FTCDNL1: variants seen among roughly 807,000 people sequenced by gnomAD.
The protein encoded by FTCDNL1 is formiminotransferase cyclodeaminase N-terminal like.
Under a neutral mutation model 5.9 loss-of-function variants are expected in FTCDNL1, and 11 were observed. The observed-to-expected ratio is 1.87, with a 90% CI of 1.18 to 3.10. The LOEUF (loss-of-function observed/expected upper bound fraction) is 3.10. FTCDNL1 is among the 30% of genes most tolerant of loss of function. The pLI, the probability that FTCDNL1 is intolerant of heterozygous loss-of-function variation, is 0.00. For missense variants in FTCDNL1, 115 were observed against 65.5 expected, an observed-to-expected ratio of 1.76 and a Z score of -2.61; for synonymous variants, 58 against 24.8, an observed-to-expected ratio of 2.34 and a Z score of -3.99.
chr2:199,816,519 T>C (rs1701359057), intron 4 of FTCDNL1, among the ~76,000 whole-genome samples: 1 of 152,216 alleles, frequency 6.6e-6, no homozygotes, highest in South Asian at 2.1e-4. Flanking sequence ...TGAAAATATG[T>C]TGGAAGCTTT....
At chr2:199,835,207 C>T (rs1702645071) in intron 3 of FTCDNL1, among the ~76,000 whole-genome samples, 1 of 152,068 alleles carries the variant, frequency 6.6e-6, no homozygotes, top group Admixed American at 6.6e-5. Context: ...AACATGAACA[C>T]TGTTACTTCT....
intron 3 of FTCDNL1, among the ~76,000 whole-genome samples, chr2:199,831,014 C>T (rs1702337817): frequency 2.0e-5 from 3 of 152,260 alleles, no homozygotes; most frequent in South Asian, 2.1e-4. Context: ...AGAAACAAAA[C>T]TCTACTGCAC....
At chr2:199,729,328 C>T in the FTCDNL1 span, among the ~76,000 whole-genome samples, 162 of 152,292 alleles carry the variant, frequency 1.1e-3, 1 homozygote, top group Non-Finnish European at 3.2e-4. Flanking sequence ...TCCTATCCAA[C>T]ACAGTATTGG....
chr2:199,836,376 TGC>T (rs1370374003), intron 3 of FTCDNL1, among the ~76,000 whole-genome samples: 3 of 152,136 alleles, frequency 2.0e-5, no homozygotes, highest in Non-Finnish European at 2.9e-5. Flanking sequence ...CTCCCTATGT[TGC>T]CCAGGCTGGT....
At chr2:199,674,048 T>C in the FTCDNL1 span, among the ~76,000 whole-genome samples, 33 of 152,292 alleles carry the variant, frequency 2.2e-4, no homozygotes, top group East Asian at 6.2e-3. Context: ...ACATTTTATA[T>C]GGTGAAAGAT....
rs1429167396 is a variant in FTCDNL1 at position 199,810,618 on chromosome 2, C to T, written c.*2087G>A. On this transcript the variant is annotated 3_prime_UTR_variant, in exon 5 of 5. Transcript: ENST00000420128. ...TCCCTGTCTCAGGGATGGTGCGGCT[C>T]ACATTACATAAATAGCGTGGCTCTA... Among the ~76,000 whole-genome samples, 1 of 152,198 alleles carries T rather than the reference C, an allele frequency of 6.6e-6. No homozygotes were observed. The highest frequency in any genetic ancestry group is 1.5e-5 in the Non-Finnish European group (1 of 68,036).
chr2:199,664,970 A>G, the FTCDNL1 span, among the ~76,000 whole-genome samples: 2 of 152,262 alleles, frequency 1.3e-5, no homozygotes, highest in Non-Finnish European at 2.9e-5. Context: ...TACTATGCCC[A>G]TAAAGGGAAG....
chr2:199,686,668 ACT>A, the FTCDNL1 span, among the ~76,000 whole-genome samples: 1 of 152,186 alleles, frequency 6.6e-6, no homozygotes, highest in African/African-American at 2.4e-5. Context: ...AATAAAACTA[ACT>A]CTAAGCTGAA....
At chr2:199,720,607 T>A in the FTCDNL1 span, among the ~76,000 whole-genome samples, 1 of 152,200 alleles carries the variant, frequency 6.6e-6, no homozygotes, top group Non-Finnish European at 1.5e-5. Flanking sequence ...ATCACTGCTT[T>A]TATCTTCACA....
the FTCDNL1 span, among the ~76,000 whole-genome samples, chr2:199,714,733 A>G: frequency 0.79 from 119,454 of 152,018 alleles, 48,443 homozygotes; most frequent in South Asian, 0.94. Flanking sequence ...ACCACCAGAG[A>G]AAAGGGAGGG....
intron 3 of FTCDNL1, among the ~76,000 whole-genome samples, chr2:199,777,313 G>A (rs948056362): frequency 6.6e-6 from 1 of 151,972 alleles, no homozygotes; most frequent in African/African-American, 2.4e-5. Context: ...AAAAAAGAAA[G>A]AAAGAGAGAA....
chr2:199,737,906 T>C, the FTCDNL1 span, among the ~76,000 whole-genome samples: 9 of 152,360 alleles, frequency 5.9e-5, no homozygotes, highest in African/African-American at 2.2e-4. Context: ...AAGATATTTG[T>C]ATGATACTTG....
intron 3 of FTCDNL1, among the ~76,000 whole-genome samples, chr2:199,790,681 C>T (rs1322215967): frequency 2.0e-5 from 3 of 152,010 alleles, no homozygotes; most frequent in Admixed American, 2.0e-4. Flanking sequence ...ATTCCTTAAA[C>T]ATATCCACAC....
At chr2:199,744,453 G>C in the FTCDNL1 span, among the ~76,000 whole-genome samples, 13,509 of 151,890 alleles carry the variant, frequency 0.089, 794 homozygotes, top group Middle Eastern at 0.14. Flanking sequence ...CACAGAGAGA[G>C]AGAGAGAGAG....
At chr2:199,671,664 C>A in the FTCDNL1 span, among the ~76,000 whole-genome samples, 1 of 152,098 alleles carries the variant, frequency 6.6e-6, no homozygotes, top group Non-Finnish European at 1.5e-5. Flanking sequence ...GGTCTACTGT[C>A]CCCTGCTAGC....
chr2:199,674,412 A>C, the FTCDNL1 span, among the ~76,000 whole-genome samples: 1 of 152,184 alleles, frequency 6.6e-6, no homozygotes, highest in Non-Finnish European at 1.5e-5. Flanking sequence ...GGTGAACTTC[A>C]CATAGCAGTT....
rs1203678218 is a variant in FTCDNL1, at chr2:199,810,029, T to C, written c.*2676A>G. ...AGGTAACTTTATCTACTCTAAACTA[T>C]CCGAAGGATTTTTTTTTTCCTAAAA... is the stretch of plus-strand genomic sequence containing the variant. On this transcript the variant is annotated 3_prime_UTR_variant, in exon 5 of 5. Coordinates refer to ENST00000420128, the MANE Select transcript of FTCDNL1 (RefSeq NM_001363886.2). Among the ~76,000 whole-genome samples, 1 of 152,100 alleles carries C rather than the reference T, an allele frequency of 6.6e-6. No homozygotes were observed. Among genetic ancestry groups the C allele is most frequent in the Non-Finnish European group, 1.5e-5 (1 of 68,012 alleles).
the FTCDNL1 span, among the ~76,000 whole-genome samples, chr2:199,743,304 C>A: frequency 6.6e-6 from 1 of 152,146 alleles, no homozygotes; most frequent in African/African-American, 2.4e-5. Context: ...ACTTCAAAGC[C>A]CCTCGAAAGA....
chr2:199,831,642 T>G (rs1702378253), intron 3 of FTCDNL1, among the ~76,000 whole-genome samples: 1 of 152,176 alleles, frequency 6.6e-6, no homozygotes, highest in Non-Finnish European at 1.5e-5. Flanking sequence ...AAGTAAAGCA[T>G]GTAGAAAATT....
Sources: gnomAD v4.1 joint callset for allele counts (sites outside exome capture counted in the v4.1 genomes callset) on GRCh38, gnomAD v4.1.1 for gene constraint, MANE v1.5 for transcripts, NCBI Gene and HGNC (gene_info 2026-07-23, HGNC 2026-07-21) for gene names.